CD47: variants seen among roughly 807,000 people sequenced by gnomAD.
CD47 encodes the protein CD47 molecule, also known as leukocyte surface antigen CD47.
A neutral mutation model predicts 44.6 loss-of-function variants in CD47; 11 were observed. The observed-to-expected ratio is 0.25, with a 90% CI of 0.16 to 0.41. CD47 has a LOEUF of 0.41. Among genes scored for constraint, CD47 ranks in the 10% least tolerant of loss-of-function variants. The probability of loss-of-function intolerance (pLI) is 1.00; values close to 1 mark genes in which losing one functional copy is unlikely to be tolerated. For synonymous variants in CD47, 140 were observed against 136.3 expected, an observed-to-expected ratio of 1.03 and a Z score of -0.19; for missense variants, 306 against 386.7, an observed-to-expected ratio of 0.79 and a Z score of 1.75.
rs376699195 is a variant in CD47, at chr3:108,047,266, G to A, written c.*22C>T. 7.5e-6 allele frequency: 12 copies of A among 1,597,726 alleles called. No individual in the cohort carries two copies. The East Asian group carries it at 1.3e-4, about 18-fold the overall frequency. On this transcript the variant is annotated 3_prime_UTR_variant, in exon 11 of 11. Transcript: ENST00000361309. The stretch of plus-strand genomic sequence containing the variant: ...TTCACGTCTTACTACTCTCCAAATC[G>A]GAGTCCATCACTTCACTTCAGTTAT...
At position 108,091,025 on chromosome 3, in the gene CD47, A is replaced by G. The variant is rs1030613116; in HGVS notation, c.-117T>C. The G allele has an allele frequency of 1.2e-5, 7 of 599,334 alleles. No individual in the cohort carries two copies. The South Asian group carries it at 3.3e-4, about 28-fold the overall frequency. The allele number at this position is 599,334 out of a possible 1,614,324, so 37.1% of individuals were successfully genotyped here. On this transcript the variant is annotated 5_prime_UTR_variant, in exon 1 of 11. Transcript: ENST00000361309. ...GCGTCACAGGCAGGACCCACTGCCC[A>G]GGCTGCACGGCCGCGCGCACGCGCG...
intron 7 of CD47, among the ~76,000 whole-genome samples, chr3:108,056,295 T>C (rs2078912471): frequency 6.6e-6 from 1 of 152,240 alleles, no homozygotes; most frequent in Admixed American, 6.5e-5. Context: ...AACTAAGACT[T>C]ATGAACTCAT....
chr3:108,051,681 T>C (rs912901487), intron 8 of CD47: 145 of 593,718 alleles, frequency 2.4e-4, no homozygotes, highest in Non-Finnish European at 4.1e-4. Flanking sequence ...ATAGCCATTA[T>C]TCCTACTTTC....
In CD47 at chr3:108,058,370, G is replaced by C. The variant is rs776988820; in HGVS notation, c.751C>G (p.Leu251Val). Residue 251 changes from leucine (L) to valine (V), a missense_variant, in exon 6 of 11, where the codon CTC becomes GTC. Around this residue, in one of 5 missense-constraint regions of CD47, gnomAD observed 131 missense variants for 135.3 expected, o/e 0.97. Transcript: ENST00000361309. ...ILVIQVIAYI[L>V]AVVGLSLCIA... ...CAGAGACTCAGTCCAACCACAGCGA[G>C]GATATAGGCTATCACCTGAATAACC... 5.1e-6 allele frequency: 8 copies of C among 1,565,900 alleles called. No homozygotes were observed. Among genetic ancestry groups the C allele is most frequent in the Non-Finnish European group, 6.9e-6 (8 of 1,153,466 alleles).
At chr3:108,051,915 T>C in intron 8 of CD47, 24 bp downstream of exon 8, 1 of 1,491,248 alleles carries the variant, frequency 6.7e-7, no homozygotes, top group Non-Finnish European at 9.3e-7. Flanking sequence ...TCATTCACAA[T>C]TCATTTAATA....
chr3:108,048,226 T>C (rs896124216), intron 10 of CD47, among the ~76,000 whole-genome samples: 10 of 152,170 alleles, frequency 6.6e-5, no homozygotes, highest in East Asian at 1.9e-4. Flanking sequence ...CTGTGAACTA[T>C]AGTCTTTTTT....
At chr3:108,078,848 C>A (rs939097360) in intron 2 of CD47, among the ~76,000 whole-genome samples, 7 of 151,974 alleles carry the variant, frequency 4.6e-5, no homozygotes, top group Admixed American at 1.3e-4. Context: ...ACATTTACAA[C>A]ACACTTTGGT....
intron 2 of CD47, among the ~76,000 whole-genome samples, chr3:108,076,905 T>C (rs774020202): frequency 4.9e-4 from 75 of 152,150 alleles, no homozygotes; most frequent in Non-Finnish European, 1.6e-4. Context: ...TAAGAAGAAT[T>C]TGAGGGACAG....
At chr3:108,070,530 G>T (rs983352279) in intron 3 of CD47, among the ~76,000 whole-genome samples, 1 of 152,154 alleles carries the variant, frequency 6.6e-6, no homozygotes, top group Admixed American at 6.5e-5. Context: ...GTCTGGTTAC[G>T]TTACTATTAT....
chr3:108,079,356 G>A (rs2079369259), intron 2 of CD47, among the ~76,000 whole-genome samples: 1 of 151,666 alleles, frequency 6.6e-6, no homozygotes, highest in African/African-American at 2.4e-5. Context: ...GCAGAATCAT[G>A]GTGCTATCAT....
At position 108,072,713 on chromosome 3, in the gene CD47, G is replaced by A. The variant is rs556406595; in HGVS notation, c.401-1531C>T. 1.6e-4 allele frequency among the ~76,000 whole-genome samples: 24 copies of A among 152,182 alleles called. No individual in the cohort carries two copies. In the East Asian group the frequency reaches 3.5e-3, roughly 22 times the overall value. On this transcript the variant is annotated intron_variant, in intron 2 of 10. Transcript: ENST00000361309. ...TCAGTATAGCCTAAAACCCTACCAG[G>A]AAAAAATTTTGGAGATCATGCTTGG...
rs757981504 is a variant in CD47, at chr3:108,057,621, T to TA, written c.785-53dup. 4 of 886,068 alleles carry TA rather than the reference T, an allele frequency of 4.5e-6. No homozygotes were observed. The East Asian group carries it at 7.4e-5, about 16-fold the overall frequency. 54.9% of individuals were successfully genotyped at this position (886,068 alleles called of 1,614,324 possible). A position where few individuals can be genotyped will look rare whatever the true frequency, so the allele number is the denominator to read the frequency against. ...TAGAAAAGCATATGAAATAACTTACTAAAAAACAGTAATAATCCCAAGTTT... is the reference window on the plus strand; with the variant it reads ...TAGAAAAGCATATGAAATAACTTACTAAAAAAACAGTAATAATCCCAAGTTT... On this transcript the variant is annotated intron_variant, in intron 6 of 10. Transcript: ENST00000361309.
chr3:108,082,563 C>T (rs1304523016), intron 1 of CD47, among the ~76,000 whole-genome samples: 1 of 151,712 alleles, frequency 6.6e-6, no homozygotes, highest in African/African-American at 2.4e-5. Flanking sequence ...GACACATGTT[C>T]ATTTTATATT....
intron 6 of CD47, 131 bp downstream of exon 6, chr3:108,058,206 T>C (rs1365473632): frequency 1.9e-6 from 1 of 518,236 alleles, no homozygotes; most frequent in Admixed American, 3.9e-5. Context: ...AATTTTGCCA[T>C]GAACCAAAAA....
At chr3:108,048,698 T>C (rs1014890678) in intron 10 of CD47, among the ~76,000 whole-genome samples, 14 of 152,176 alleles carry the variant, frequency 9.2e-5, no homozygotes, top group Non-Finnish European at 1.9e-4. Context: ...GGAGTGTTTT[T>C]AATCTTATGC....
At chr3:108,068,847 GT>G (rs937998475) in intron 3 of CD47, among the ~76,000 whole-genome samples, 18 of 152,158 alleles carry the variant, frequency 1.2e-4, no homozygotes, top group African/African-American at 4.3e-4. Context: ...GGTGAATCAT[GT>G]ATAGACATAC....
chr3:108,084,337 C>T (rs2079477051), intron 1 of CD47, among the ~76,000 whole-genome samples: 1 of 151,884 alleles, frequency 6.6e-6, no homozygotes, highest in Non-Finnish European at 1.5e-5. Context: ...CTTTCTTGCT[C>T]TTCTCTCTTG....
intron 3 of CD47, among the ~76,000 whole-genome samples, chr3:108,061,065 G>A (rs2079005997): frequency 6.6e-6 from 1 of 151,244 alleles, no homozygotes; most frequent in South Asian, 2.1e-4. Context: ...ATTTATAGGT[G>A]ACACCTTATT....
chr3:108,066,108 CT>C (rs2079102151), intron 3 of CD47, among the ~76,000 whole-genome samples: 1 of 151,964 alleles, frequency 6.6e-6, no homozygotes, highest in Non-Finnish European at 1.5e-5. Context: ...AACTCAAGGA[CT>C]TGGTAGGATC....
Sources: allele counts gnomAD v4.1 joint callset (sites outside exome capture counted in the v4.1 genomes callset), GRCh38; gene constraint gnomAD v4.1.1; regional missense constraint gnomAD v4.1.1; transcripts MANE v1.5; gene names NCBI Gene and HGNC (gene_info 2026-07-23, HGNC 2026-07-21).